The following NRXN3 variants were observed in gnomAD, a reference collection of about 807,000 sequenced individuals.
The protein encoded by NRXN3 is neurexin III.
Under a neutral mutation model 137.6 loss-of-function variants are expected in NRXN3, and 32 were observed. The observed-to-expected ratio is 0.23, with a 90% CI of 0.18 to 0.31. NRXN3 has a LOEUF of 0.31. Ranked by LOEUF, NRXN3 falls within the 10% of genes least tolerant of loss-of-function variation. The probability of loss-of-function intolerance (pLI) is 1.00; values close to 1 mark genes in which losing one functional copy is unlikely to be tolerated. For missense variants in NRXN3, 1,574 were observed against 2,062.5 expected, an observed-to-expected ratio of 0.76 and a Z score of 4.59; for synonymous variants, 798 against 784.5, an observed-to-expected ratio of 1.02 and a Z score of -0.29.
At chr14:78,907,536 A>T (rs1415375039) in intron 10 of NRXN3, among the ~76,000 whole-genome samples, 1 of 152,090 alleles carries the variant, frequency 6.6e-6, no homozygotes, top group Admixed American at 6.6e-5. Flanking sequence ...ATAGAGTTCA[A>T]AATGTGACTA....
intron 11 of NRXN3, among the ~76,000 whole-genome samples, chr14:78,958,522 A>AT (rs1246566607): frequency 6.6e-6 from 1 of 151,800 alleles, no homozygotes; most frequent in African/African-American, 2.4e-5. Context: ...CGCCTGGCTA[A>AT]TTTTTTGTAT....
intron 19 of NRXN3, among the ~76,000 whole-genome samples, chr14:79,702,577 A>G (rs1324516144): frequency 1.3e-5 from 2 of 152,000 alleles, no homozygotes; most frequent in Non-Finnish European, 2.9e-5. Context: ...AGAGATAGCC[A>G]AGTCCAAGTA....
At chr14:78,655,075 G>C (rs2097774569) in intron 6 of NRXN3, among the ~76,000 whole-genome samples, 1 of 152,028 alleles carries the variant, frequency 6.6e-6, no homozygotes, top group Non-Finnish European at 1.5e-5. Flanking sequence ...CTATGAGGGA[G>C]ACATCATAGT....
chr14:79,808,381 G>T (rs1322813901), intron 20 of NRXN3, among the ~76,000 whole-genome samples: 7 of 151,548 alleles, frequency 4.6e-5, no homozygotes. Flanking sequence ...TAAAGAGAAG[G>T]GACCTACTGC....
At chr14:78,917,374 T>G (rs1376125419) in intron 10 of NRXN3, among the ~76,000 whole-genome samples, 4 of 152,212 alleles carry the variant, frequency 2.6e-5, no homozygotes, top group Non-Finnish European at 5.9e-5. Flanking sequence ...GTTATTACCT[T>G]GGTGATTAAC....
chr14:79,231,507 C>T (rs1279178996), intron 15 of NRXN3, among the ~76,000 whole-genome samples: 1 of 152,120 alleles, frequency 6.6e-6, no homozygotes, highest in Non-Finnish European at 1.5e-5. Context: ...CTTCCTGTTT[C>T]AGTAGGATAA....
chr14:79,656,110 T>G (rs946285505), intron 16 of NRXN3, among the ~76,000 whole-genome samples: 3 of 152,184 alleles, frequency 2.0e-5, no homozygotes, highest in African/African-American at 7.2e-5. Context: ...TAAAATGTGT[T>G]TCCTCATTTC....
At chr14:78,963,823 T>C (rs760257944) in intron 11 of NRXN3, among the ~76,000 whole-genome samples, 9 of 152,212 alleles carry the variant, frequency 5.9e-5, no homozygotes, top group Non-Finnish European at 8.8e-5. Flanking sequence ...AGCATCTCGC[T>C]GTGTTACCTA....
intron 20 of NRXN3, among the ~76,000 whole-genome samples, chr14:79,830,820 T>C (rs7156557): frequency 0.91 from 138,567 of 152,208 alleles, 63,117 homozygotes; most frequent in East Asian, 1. Flanking sequence ...GGCAGACTTG[T>C]TCGGTAAACT....
At chr14:79,730,841 G>T (rs1180675634) in intron 19 of NRXN3, among the ~76,000 whole-genome samples, 1 of 152,148 alleles carries the variant, frequency 6.6e-6, no homozygotes, top group Non-Finnish European at 1.5e-5. Context: ...CAAAATGCTA[G>T]CCTTAACCCG....
chr14:79,803,624 G>T (rs185268785), intron 19 of NRXN3, among the ~76,000 whole-genome samples: 2 of 152,120 alleles, frequency 1.3e-5, no homozygotes, highest in African/African-American at 4.8e-5. Flanking sequence ...CTGAGGGGCT[G>T]GGGAGTAGGA....
intron 15 of NRXN3, among the ~76,000 whole-genome samples, chr14:79,080,702 T>A (rs555847923): frequency 1.3e-5 from 2 of 152,292 alleles, no homozygotes; most frequent in South Asian, 4.1e-4. Context: ...AAGAGCTTGA[T>A]GAATGAAAAG....
chr14:79,602,470 A>G (rs1452466989), intron 16 of NRXN3, among the ~76,000 whole-genome samples: 2 of 152,108 alleles, frequency 1.3e-5, no homozygotes, highest in Non-Finnish European at 2.9e-5. Context: ...TACTTTCTTT[A>G]AAGAACCTTT....
Position 79,861,958 on chromosome 14 carries a change from C to T in NRXN3, c.4710C>T (p.Tyr1570=), listed in dbSNP as rs763202352. 1.9e-6 allele frequency: 3 copies of T among 1,611,020 alleles called. No homozygotes were observed. Among genetic ancestry groups the T allele is most frequent in the East Asian group, 2.2e-5 (1 of 44,816 alleles). The change falls in exon 21 of 21, where the codon TAC becomes TAT. Residue 1570 remains tyrosine, a synonymous_variant. Coordinates refer to ENST00000335750, the MANE Select transcript of NRXN3 (RefSeq NM_001330195.2). This position sits in a 1 kb window ranked among gnomAD's most constrained non-coding sequence, Gnocchi z 5.4. ...KKQKNKDREY[Y]V Reference sequence around the variant, plus strand: ...AGAAAAACAAGGACAGGGAGTATTACGTGTAAACATGCGAACACTGCTCAC... The same window carrying T: ...AGAAAAACAAGGACAGGGAGTATTATGTGTAAACATGCGAACACTGCTCAC...
At chr14:79,285,159 T>G (rs901585573) in intron 15 of NRXN3, among the ~76,000 whole-genome samples, 21 of 151,840 alleles carry the variant, frequency 1.4e-4, no homozygotes, top group African/African-American at 4.8e-4. Flanking sequence ...AGAGGAGAGA[T>G]AAGATCATCA....
At chr14:79,779,790 A>G (rs1465849686) in intron 19 of NRXN3, among the ~76,000 whole-genome samples, 1 of 152,112 alleles carries the variant, frequency 6.6e-6, no homozygotes, top group Non-Finnish European at 1.5e-5. Flanking sequence ...CAGAGTATCC[A>G]TTTCTCAACT....
rs541398887 is a variant in NRXN3, at chr14:79,565,941, C to T, written c.3445-97837C>T. 1.8e-3 allele frequency among the ~76,000 whole-genome samples: 274 copies of T among 152,098 alleles called. 1 individual carries two copies. The highest frequency in any genetic ancestry group is 2.6e-3 in the Non-Finnish European group (179 of 68,012). On this transcript the variant is annotated intron_variant, in intron 16 of 20. Transcript: ENST00000335750. Reference sequence around the variant, plus strand: ...ATTTAGAGCAAGAATGAAAGAAATACAGGCACCCAAGAACAGGCACAGAAT... The same window carrying T: ...ATTTAGAGCAAGAATGAAAGAAATATAGGCACCCAAGAACAGGCACAGAAT...
intron 15 of NRXN3, among the ~76,000 whole-genome samples, chr14:79,118,836 TTTTG>T (rs1329841785): frequency 6.6e-6 from 1 of 152,154 alleles, no homozygotes; most frequent in Non-Finnish European, 1.5e-5. Context: ...CCCAAAGACA[TTTTG>T]TTTGTTTTAT....
intron 10 of NRXN3, among the ~76,000 whole-genome samples, chr14:78,895,554 C>A (rs1206575923): frequency 6.6e-6 from 1 of 151,882 alleles, no homozygotes; most frequent in Non-Finnish European, 1.5e-5. Context: ...ACTTTCTTAT[C>A]ATCTGTGTGT....
Sources: allele counts gnomAD v4.1 joint callset (sites outside exome capture counted in the v4.1 genomes callset), GRCh38; gene constraint gnomAD v4.1.1; non-coding constraint Gnocchi (gnomAD v3.1); transcripts MANE v1.5; gene names NCBI Gene and HGNC (gene_info 2026-07-23, HGNC 2026-07-21).